Variants in KIF6 observed in about 807,000 individuals in gnomAD.
KIF6 encodes kinesin family member 6.
A neutral mutation model predicts 112.7 loss-of-function variants in KIF6; 106 were observed. The observed-to-expected ratio is 0.94, with a 90% CI of 0.80 to 1.11. The LOEUF is 1.11. Among genes scored for constraint, KIF6 ranks in the 50% least tolerant of loss-of-function variants. KIF6 has a pLI of 0.00. For missense variants in KIF6, 929 were observed against 964.0 expected (o/e 0.96, Z 0.48); for synonymous variants, 339 against 339.9 (o/e 1.00, Z 0.03).
At chr6:39,505,415 C>G (rs1036170785) in intron 13 of KIF6, among the ~76,000 whole-genome samples, 2 of 152,178 alleles carry the variant, frequency 1.3e-5, no homozygotes, top group African/African-American at 4.8e-5. Context: ...AAAACCTAGG[C>G]AATACCATTC....
chr6:39,447,598 T>C, intron 13 of KIF6, among the ~76,000 whole-genome samples: 1 of 152,186 alleles, frequency 6.6e-6, no homozygotes, highest in African/African-American at 2.4e-5. Context: ...AATCTATTTG[T>C]AGTGTGACTG....
intron 9 of KIF6, among the ~76,000 whole-genome samples, chr6:39,583,648 G>GA (rs1291141928): frequency 7.7e-6 from 1 of 129,630 alleles, no homozygotes; most frequent in African/African-American, 2.8e-5. Context: ...ATTTATAAGT[G>GA]AAACACTGTT....
At chr6:39,366,211 C>T (rs1765545170) in intron 16 of KIF6, among the ~76,000 whole-genome samples, 1 of 152,170 alleles carries the variant, frequency 6.6e-6, no homozygotes, top group Non-Finnish European at 1.5e-5. Context: ...TGCGCAACAC[C>T]ACTTTCATTC....
intron 13 of KIF6, among the ~76,000 whole-genome samples, chr6:39,466,007 C>A (rs964826887): frequency 1.2e-4 from 18 of 152,194 alleles, no homozygotes; most frequent in African/African-American, 4.1e-4. Context: ...CGGCTCTTGC[C>A]CCCATCATCC....
intron 13 of KIF6, among the ~76,000 whole-genome samples, chr6:39,444,650 G>A (rs998588554): frequency 3.3e-5 from 5 of 151,762 alleles, no homozygotes; most frequent in African/African-American, 1.2e-4. Context: ...TCATTTCCCC[G>A]AACTCCAGCC....
intron 3 of KIF6, among the ~76,000 whole-genome samples, chr6:39,676,526 C>G (rs1787149495): frequency 6.6e-6 from 1 of 152,120 alleles, no homozygotes; most frequent in African/African-American, 2.4e-5. Context: ...ACTAGGATAA[C>G]ACGGGGAATA....
intron 11 of KIF6, 87 bp downstream of exon 11, chr6:39,545,496 C>T: frequency 1.2e-6 from 1 of 823,062 alleles, no homozygotes; most frequent in Non-Finnish European, 2.1e-6. Context: ...GGATCCTAAC[C>T]TTCCAAGAAC....
chr6:39,724,629 T>C lies in KIF6; in HGVS notation c.66+616A>G, dbSNP rs1168020894. Among the ~76,000 whole-genome samples the C allele has an allele frequency of 5.3e-5, 8 of 152,180 alleles. No individual in the cohort carries two copies. In the East Asian group the frequency reaches 1.5e-3, roughly 29 times the overall value. On this transcript the variant is annotated intron_variant, in intron 1 of 22. Transcript: ENST00000287152. ...TGCGTATTCTTTGGGTCAGGATGCT[T>C]AAGCATCTACCTATATCTATTAATA...
At chr6:39,478,891 T>C (rs1774619149) in intron 13 of KIF6, among the ~76,000 whole-genome samples, 1 of 152,144 alleles carries the variant, frequency 6.6e-6, no homozygotes, top group Non-Finnish European at 1.5e-5. Flanking sequence ...GTTGGCCATT[T>C]GTATATCTTC....
intron 6 of KIF6, among the ~76,000 whole-genome samples, chr6:39,597,837 T>G (rs1222264449): frequency 6.6e-6 from 1 of 152,082 alleles, no homozygotes; most frequent in Non-Finnish European, 1.5e-5. Context: ...TAGAAGATAT[T>G]TGCAATACAT....
chr6:39,547,444 T>A (rs188323145), intron 10 of KIF6, among the ~76,000 whole-genome samples: 1,593 of 152,272 alleles, frequency 0.01, 15 homozygotes, highest in Non-Finnish European at 0.017. Context: ...ATACATTTTT[T>A]AAAAAATCAT....
chr6:39,645,910 A>T (rs2150779719), intron 3 of KIF6, among the ~76,000 whole-genome samples: 1 of 152,124 alleles, frequency 6.6e-6, no homozygotes, highest in East Asian at 1.9e-4. Context: ...CATAGGTGGG[A>T]ATTGAACAAT....
chr6:39,692,237 A>T (rs2113806507), intron 3 of KIF6, among the ~76,000 whole-genome samples: 1 of 152,300 alleles, frequency 6.6e-6, no homozygotes, highest in South Asian at 2.1e-4. Context: ...TCCTCAGAAC[A>T]TCTCAACCTG....
intron 17 of KIF6, among the ~76,000 whole-genome samples, chr6:39,361,960 G>T (rs1350548027): frequency 6.6e-6 from 1 of 152,184 alleles, no homozygotes; most frequent in Non-Finnish European, 1.5e-5. Context: ...AGTGGATGCA[G>T]CTTGATCAGC....
intron 13 of KIF6, among the ~76,000 whole-genome samples, chr6:39,435,982 A>T (rs560675862): frequency 2.4e-4 from 37 of 152,322 alleles, no homozygotes; most frequent in African/African-American, 8.4e-4. Flanking sequence ...TTCCACTAGC[A>T]GAGTATAAGC....
Position 39,342,979 on chromosome 6 carries a change from G to A in KIF6, c.2428+730C>T. 1.0e-6 allele frequency: 1 copy of A among 985,474 alleles called. No homozygotes were observed. The highest frequency in any genetic ancestry group is 1.2e-6 in the Non-Finnish European group (1 of 829,942). 61.0% of individuals were successfully genotyped at this position (985,474 alleles called of 1,614,324 possible). ...TCTGGCAATGTGAAGGCAATGTTAA[G>A]CCTGCCTAGTAGCCTTTGGGTTATG... is the stretch of plus-strand genomic sequence containing the variant. On this transcript the variant is annotated intron_variant, in intron 22 of 22. Transcript: ENST00000287152. The surrounding 1 kb of genome is among the most constrained non-coding windows in gnomAD (Gnocchi z 4.7).
At chr6:39,538,471 C>T (rs1778578292) in intron 13 of KIF6, among the ~76,000 whole-genome samples, 1 of 151,862 alleles carries the variant, frequency 6.6e-6, no homozygotes, top group Admixed American at 6.6e-5. Context: ...AAAAAATGCC[C>T]ATCATCACTG....
rs978277635 is a variant in KIF6 at position 39,480,854 on chromosome 6, A to T, written c.1646-49693T>A. ...CTAGTTTATGTGCATAAAGGTGTTC[A>T]TGGGAGCCTCAAATGATCTTTTGTA... On this transcript the variant is annotated intron_variant, in intron 13 of 22. Transcript: ENST00000287152. 3.9e-5 allele frequency among the ~76,000 whole-genome samples: 6 copies of T among 152,142 alleles called. 1 individual carries two copies. Among genetic ancestry groups the T allele is most frequent in the Non-Finnish European group, 7.4e-5 (5 of 68,026 alleles).
In KIF6 at chr6:39,636,099, C is replaced by G. The variant is rs143338158; in HGVS notation, c.400-1141G>C. Among the ~76,000 whole-genome samples, 119 of 152,078 alleles carry G rather than the reference C, an allele frequency of 7.8e-4. 1 individual carries two copies. Among genetic ancestry groups the G allele is most frequent in the African/African-American group, 2.6e-3 (106 of 41,544 alleles). ...ATAAATAAAAAGCTGGACTCCTACT[C>G]TAACTAGAGTTGAGCCTCTACCATG... On this transcript the variant is annotated intron_variant, in intron 4 of 22. Coordinates refer to ENST00000287152, the MANE Select transcript of KIF6 (RefSeq NM_145027.6).
Sources: allele counts gnomAD v4.1 joint callset (sites outside exome capture counted in the v4.1 genomes callset), GRCh38; gene constraint gnomAD v4.1.1; non-coding constraint Gnocchi (gnomAD v3.1); transcripts MANE v1.5; gene names NCBI Gene and HGNC (gene_info 2026-07-23, HGNC 2026-07-21).